The following NUP93 variants were observed in gnomAD, a reference collection of about 807,000 sequenced individuals.
NUP93 encodes nuclear pore complex protein Nup93.
Under a neutral mutation model 107.8 loss-of-function variants are expected in NUP93, and 55 were observed. The ratio of observed to expected loss-of-function variants is 0.51; its 90% CI spans 0.41 to 0.64. The LOEUF is 0.64. NUP93 is among the 30% of genes least tolerant of loss of function. The pLI is 0.00. For missense variants in NUP93, 937 were observed against 1,044.7 expected (o/e 0.90, Z 1.42); for synonymous variants, 390 against 397.5 (o/e 0.98, Z 0.22).
At chr16:56,763,732 AG>A (rs1962170347) in intron 3 of NUP93, among the ~76,000 whole-genome samples, 1 of 152,172 alleles carries the variant, frequency 6.6e-6, no homozygotes, top group African/African-American at 2.4e-5. Flanking sequence ...TTCCCTGCTG[AG>A]GAAAAGACAA....
Position 56,849,745 on chromosome 16 carries a change from C to T in NUP93, c.*5136C>T, listed in dbSNP as rs1255743864. 1 of 152,252 alleles carries T rather than the reference C, an allele frequency of 6.6e-6. No homozygotes were observed. The highest frequency in any genetic ancestry group is 1.5e-5 in the Non-Finnish European group (1 of 68,056). The allele number at this position is 152,252 out of a possible 1,614,324, so 9.4% of individuals were successfully genotyped here. ...GTGGCTGCCCTACCTGGGCTTGCCT[C>T]TGCTGGTACTAGCTGCCCAGAGACC... On this transcript the variant is annotated 3_prime_UTR_variant, in exon 22 of 22. Coordinates refer to ENST00000308159, the MANE Select transcript of NUP93 (RefSeq NM_014669.5).
chr16:56,842,615 C>T (rs760926586), intron 21 of NUP93: 18 of 450,330 alleles, frequency 4.0e-5, no homozygotes, highest in Middle Eastern at 6.2e-4. Flanking sequence ...TGCAATGACA[C>T]GATCTCAGCT....
chr16:56,835,289 T>C (rs1487002815), intron 16 of NUP93, among the ~76,000 whole-genome samples: 1 of 152,216 alleles, frequency 6.6e-6, no homozygotes, highest in Non-Finnish European at 1.5e-5. Flanking sequence ...TCAGAGATCC[T>C]GTTGTCAGAG....
intron 3 of NUP93, among the ~76,000 whole-genome samples, chr16:56,791,439 CTG>C (rs1215624520): frequency 6.6e-6 from 1 of 152,214 alleles, no homozygotes; most frequent in Non-Finnish European, 1.5e-5. Flanking sequence ...AAGGTGGACA[CTG>C]AATGTTTTTT....
rs149825247 is a variant in NUP93, at chr16:56,788,581, G to A, written c.298-9895G>A. On this transcript the variant is annotated intron_variant, in intron 3 of 21. Transcript: ENST00000308159. ...CTCAGAGCCCTTCAGTAACTGAGCC[G>A]GAAGGACTGCTTCCTGGGATGACCA... Among the ~76,000 whole-genome samples, 571 of 152,310 alleles carry A rather than the reference G, an allele frequency of 3.7e-3. 4 individuals carry two copies. The highest frequency in any genetic ancestry group is 0.013 in the African/African-American group (548 of 41,566).
In NUP93 at chr16:56,833,262, G is replaced by A. The variant is rs1234255008; in HGVS notation, c.1393G>A (p.Val465Ile). 1 of 1,606,814 alleles carries A rather than the reference G, an allele frequency of 6.2e-7. No homozygotes were observed. Among genetic ancestry groups the A allele is most frequent in the Admixed American group, 1.7e-5 (1 of 58,938 alleles). Reference protein sequence around the residue: ...VNQQPFLYFQVLFLTAQFEAA... With the variant: ...VNQQPFLYFQILFLTAQFEAA... ...CCAGCAACCCTTCCTCTACTTCCAAGTCCTGTTCCTGACAGCGCAGTTTGA... is the reference window on the plus strand; with the variant it reads ...CCAGCAACCCTTCCTCTACTTCCAAATCCTGTTCCTGACAGCGCAGTTTGA... Residue 465 changes from valine (V) to isoleucine (I), a missense_variant, in exon 13 of 22, where the codon GTC becomes ATC. By Grantham distance (29) the Val-to-Ile change is conservative. Transcript: ENST00000308159.
Position 56,848,912 on chromosome 16 carries a change from T to C in NUP93, c.*4303T>C, listed in dbSNP as rs1191635774. On this transcript the variant is annotated 3_prime_UTR_variant, in exon 22 of 22. Transcript: ENST00000308159. Reference sequence around the variant, plus strand: ...TTTCGTTTTTTTGTCCAGGATCACCTAAGTGAAGTACTCGTGGTTCTAAGT... The same window carrying C: ...TTTCGTTTTTTTGTCCAGGATCACCCAAGTGAAGTACTCGTGGTTCTAAGT... The C allele has an allele frequency of 1.3e-5, 2 of 152,222 alleles. No individual in the cohort carries two copies. The highest frequency in any genetic ancestry group is 2.9e-5 in the Non-Finnish European group (2 of 68,040). The allele number at this position is 152,222 out of a possible 1,614,324, so 9.4% of individuals were successfully genotyped here.
chr16:56,844,250 T>C (rs1023660661), intron 21 of NUP93, among the ~76,000 whole-genome samples: 9 of 152,168 alleles, frequency 5.9e-5, no homozygotes, highest in Non-Finnish European at 1.2e-4. Flanking sequence ...ACCCATCTGC[T>C]TTTTGCTTAA....
intron 5 of NUP93, among the ~76,000 whole-genome samples, chr16:56,814,854 G>T (rs1596831587): frequency 6.6e-6 from 1 of 152,324 alleles, no homozygotes; most frequent in South Asian, 2.1e-4. Flanking sequence ...CCAAGCCCCA[G>T]TGCAGAGAAC....
chr16:56,824,060 G>A (rs907424230), intron 8 of NUP93, among the ~76,000 whole-genome samples: 10 of 152,118 alleles, frequency 6.6e-5, no homozygotes, highest in Non-Finnish European at 1.3e-4. Context: ...AAAATCACAC[G>A]TCAAAAAATC....
In NUP93 at chr16:56,821,477, C is replaced by A. The variant is rs1963540259; in HGVS notation, c.565-27C>A. On this transcript the variant is annotated intron_variant, in intron 6 of 21. Coordinates refer to ENST00000308159, the MANE Select transcript of NUP93 (RefSeq NM_014669.5). The stretch of plus-strand genomic sequence containing the variant: ...AAAGAAGAGAAAATAGATACTTTGC[C>A]ATTTACTTTGCTTTTTATCATTTCA... The A allele has an allele frequency of 2.8e-6, 4 of 1,432,926 alleles. No homozygotes were observed. The South Asian group carries it at 4.6e-5, about 16-fold the overall frequency. The allele number at this position is 1,432,926 out of a possible 1,614,324, so 88.8% of individuals were successfully genotyped here.
In NUP93 at chr16:56,758,626, C is replaced by G. The variant is rs1962070509; in HGVS notation, c.268C>G (p.Leu90Val). 1.9e-6 allele frequency: 3 copies of G among 1,613,686 alleles called. No homozygotes were observed. Among genetic ancestry groups the G allele is most frequent in the Non-Finnish European group, 2.5e-6 (3 of 1,179,804 alleles). ...GAGTGCAGCCACCACCTTTGAGCCT[C>G]TTGAGCCTGTGAAGGACACTGACAT... Reference protein sequence around the residue: ...SLSAATTFEPLEPVKDTDIQG... With the variant: ...SLSAATTFEPVEPVKDTDIQG... Residue 90 changes from leucine (L) to valine (V), a missense_variant, in exon 3 of 22, where the codon CTT becomes GTT. Coordinates refer to ENST00000308159, the MANE Select transcript of NUP93 (RefSeq NM_014669.5).
intron 4 of NUP93, among the ~76,000 whole-genome samples, chr16:56,801,688 T>C (rs1963024591): frequency 1.3e-5 from 2 of 152,216 alleles, no homozygotes; most frequent in Non-Finnish European, 2.9e-5. Flanking sequence ...TATTTGAAGC[T>C]CTTTATCACA....
chr16:56,812,188 A>G (rs1242343749), intron 5 of NUP93, among the ~76,000 whole-genome samples: 3 of 152,210 alleles, frequency 2.0e-5, no homozygotes, highest in Non-Finnish European at 2.9e-5. Flanking sequence ...TAATATAAAG[A>G]GAGGCTCAAA....
At chr16:56,777,562 T>C (rs1259554611) in intron 3 of NUP93, among the ~76,000 whole-genome samples, 1 of 152,240 alleles carries the variant, frequency 6.6e-6, no homozygotes, top group Non-Finnish European at 1.5e-5. Flanking sequence ...ATATTCAGGA[T>C]GAAATGTCTG....
chr16:56,814,554 A>G (rs1278565165), intron 5 of NUP93, among the ~76,000 whole-genome samples: 5 of 152,110 alleles, frequency 3.3e-5, no homozygotes, highest in Admixed American at 2.6e-4. Flanking sequence ...GCATCCCTGA[A>G]TACACTTTGT....
In NUP93 at chr16:56,798,500, A is replaced by AGCAG; in HGVS notation, c.322_323insGCAG (p.Asn108SerfsTer20). ...GGGCTTCCTGAAGAATGAGAAGGAC[A>AGCAG]ATGCCCTGCTGTCTGCCATCGAAGA... On this transcript the variant is annotated frameshift_variant, in exon 4 of 22. Coordinates refer to ENST00000308159, the MANE Select transcript of NUP93 (RefSeq NM_014669.5). LOFTEE classifies it high-confidence loss of function. 1 of 1,614,154 alleles carries AGCAG rather than the reference A, an allele frequency of 6.2e-7. No homozygotes were observed. The highest frequency in any genetic ancestry group is 8.5e-7 in the Non-Finnish European group (1 of 1,179,992).
chr16:56,843,522 C>T (rs1964066310), intron 21 of NUP93, among the ~76,000 whole-genome samples: 1 of 152,182 alleles, frequency 6.6e-6, no homozygotes, highest in Non-Finnish European at 1.5e-5. Flanking sequence ...AGTCTGCAAG[C>T]CCACTGACGT....
intron 5 of NUP93, among the ~76,000 whole-genome samples, chr16:56,813,634 C>T (rs1257403825): frequency 6.6e-6 from 1 of 152,218 alleles, no homozygotes; most frequent in East Asian, 1.9e-4. Flanking sequence ...ATCCTGCACC[C>T]AAACACAACC....
Sources: allele counts gnomAD v4.1 joint callset (sites outside exome capture counted in the v4.1 genomes callset), GRCh38; gene constraint gnomAD v4.1.1; transcripts MANE v1.5; gene names NCBI Gene and HGNC (gene_info 2026-07-23, HGNC 2026-07-21).